Variants in CHMP4B observed in about 807,000 individuals in gnomAD.
The protein encoded by CHMP4B is SNF7 homolog associated with Alix 1.
CHMP4B carries 1 observed loss-of-function variant against 25.1 expected under a neutral mutation model. The observed-to-expected ratio is 0.04, with a 90% CI of 0.01 to 0.19. The LOEUF is 0.19. Ranked by LOEUF, CHMP4B falls within the 10% of genes least tolerant of loss-of-function variation. CHMP4B has a pLI of 1.00. For missense variants in CHMP4B, 151 were observed against 289.7 expected (o/e 0.52, Z 3.48); for synonymous variants, 101 against 115.6 (o/e 0.87, Z 0.81).
chr20:33,840,657 A>G (rs1029544290), intron 1 of CHMP4B, among the ~76,000 whole-genome samples: 1 of 152,200 alleles, frequency 6.6e-6, no homozygotes, highest in Non-Finnish European at 1.5e-5. Flanking sequence ...TGTGTTTTAC[A>G]GATGTTGGTG....
intron 1 of CHMP4B, among the ~76,000 whole-genome samples, chr20:33,820,676 G>T (rs754430023): frequency 2.6e-5 from 4 of 152,036 alleles, no homozygotes; most frequent in African/African-American, 9.7e-5. Flanking sequence ...ACTTCATTGT[G>T]GGGGGTGGGG....
At chr20:33,851,918 T>C (rs1410029597) in intron 3 of CHMP4B, among the ~76,000 whole-genome samples, 159 bp from the exon 4 acceptor site, 1 of 152,180 alleles carries the variant, frequency 6.6e-6, no homozygotes, top group Non-Finnish European at 1.5e-5. Context: ...GAAGCTGCTT[T>C]AGGATATTTG....
intron 1 of CHMP4B, among the ~76,000 whole-genome samples, chr20:33,823,070 G>A (rs1414058512): frequency 6.6e-6 from 1 of 152,056 alleles, no homozygotes; most frequent in Non-Finnish European, 1.5e-5. Context: ...TTATAGGCAT[G>A]AGCCACCGCG....
In CHMP4B at chr20:33,852,091, G is replaced by A. The variant is rs370101047; in HGVS notation, c.498G>A (p.Ala166=). ...GEEFDEDELM[A]ELEELEQEEL... is the part of the protein sequence containing the mutation. ...CCTTTTACTAGGATGAGCTCATGGC[G>A]GAATTAGAAGAACTAGAACAGGAGG... Residue 166 remains alanine, a synonymous_variant, in exon 4 of 5, where the codon GCG becomes GCA. Coordinates refer to ENST00000217402, the MANE Select transcript of CHMP4B (RefSeq NM_176812.5). 17 of 1,614,098 alleles carry A rather than the reference G, an allele frequency of 1.1e-5. No individual in the cohort carries two copies. The highest frequency in any genetic ancestry group is 3.3e-5 in the Admixed American group (2 of 60,012).
At chr20:33,849,600 T>TA (rs1979789522) in intron 2 of CHMP4B, among the ~76,000 whole-genome samples, 2 of 151,262 alleles carry the variant, frequency 1.3e-5, no homozygotes, top group South Asian at 2.1e-4. Context: ...TCTATCTCAA[T>TA]AAAAAAATAA....
At chr20:33,819,689 G>T (rs1269704452) in intron 1 of CHMP4B, among the ~76,000 whole-genome samples, 2 of 152,164 alleles carry the variant, frequency 1.3e-5, no homozygotes, top group Non-Finnish European at 2.9e-5. Flanking sequence ...AAAGGTGCTA[G>T]CTTTGGGGTG....
intron 1 of CHMP4B, among the ~76,000 whole-genome samples, chr20:33,836,343 T>G (rs1185072525): frequency 6.6e-6 from 1 of 151,918 alleles, no homozygotes; most frequent in Non-Finnish European, 1.5e-5. Context: ...ACAATTTGCC[T>G]TTTGGGTCTT....
At chr20:33,845,058 C>T (rs1979650925) in intron 1 of CHMP4B, among the ~76,000 whole-genome samples, 1 of 151,814 alleles carries the variant, frequency 6.6e-6, no homozygotes, top group Non-Finnish European at 1.5e-5. Flanking sequence ...CGCGCCCGGC[C>T]GAGTGTTTGC....
intron 1 of CHMP4B, among the ~76,000 whole-genome samples, chr20:33,834,182 C>A (rs7262719): frequency 6.6e-6 from 1 of 152,104 alleles, no homozygotes; most frequent in Non-Finnish European, 1.5e-5. Flanking sequence ...TTGAACTTCT[C>A]GAAGAGCCAG....
Position 33,820,022 on chromosome 20 carries a change from A to AC in CHMP4B, c.190+8366dup, listed in dbSNP as rs940348236. Among the ~76,000 whole-genome samples the AC allele has an allele frequency of 4.0e-5, 6 of 151,604 alleles. No individual in the cohort carries two copies. In the South Asian group the frequency reaches 6.2e-4, roughly 16 times the overall value. ...CTCTACTAAAAATACAAAAAAAAAA[A>AC]CCAAAATTAGCTGGGTGTGGCAGCT... On this transcript the variant is annotated intron_variant, in intron 1 of 4. Transcript: ENST00000217402.
At chr20:33,839,652 C>T (rs1279978858) in intron 1 of CHMP4B, among the ~76,000 whole-genome samples, 1 of 152,176 alleles carries the variant, frequency 6.6e-6, no homozygotes, top group African/African-American at 2.4e-5. Flanking sequence ...CAGACTGCTG[C>T]TAACTTGTGG....
intron 1 of CHMP4B, among the ~76,000 whole-genome samples, chr20:33,824,712 G>C (rs1203136048): frequency 2.0e-5 from 3 of 152,028 alleles, no homozygotes; most frequent in Non-Finnish European, 4.4e-5. Context: ...TTGTTGTGTG[G>C]GACTGTCTTG....
intron 1 of CHMP4B, among the ~76,000 whole-genome samples, chr20:33,819,213 G>A (rs17090924): frequency 0.01 from 1,546 of 152,278 alleles, 26 homozygotes; most frequent in African/African-American, 0.035. Context: ...TGCCCGGCCA[G>A]TGTTGCTCTT....
chr20:33,812,925 T>A (rs564158973), intron 1 of CHMP4B, among the ~76,000 whole-genome samples: 1 of 152,022 alleles, frequency 6.6e-6, no homozygotes, highest in Non-Finnish European at 1.5e-5. Context: ...TTCATAGGGG[T>A]GAACAAAACA....
intron 1 of CHMP4B, among the ~76,000 whole-genome samples, chr20:33,820,795 A>T (rs1377596649): frequency 7.9e-5 from 12 of 152,156 alleles, no homozygotes; most frequent in Non-Finnish European, 2.9e-5. Context: ...TAATAGGAAG[A>T]GTTTTTTGCG....
intron 1 of CHMP4B, among the ~76,000 whole-genome samples, chr20:33,815,407 G>C (rs1432910066): frequency 6.6e-6 from 1 of 152,194 alleles, no homozygotes; most frequent in Admixed American, 6.5e-5. Context: ...AAAGAGACTT[G>C]GTGATTTGTT....
intron 1 of CHMP4B, among the ~76,000 whole-genome samples, chr20:33,820,119 A>G (rs1267565425): frequency 6.6e-6 from 1 of 152,052 alleles, no homozygotes; most frequent in African/African-American, 2.4e-5. Context: ...CGGAGCTTGC[A>G]GTGAGCCAAG....
chr20:33,831,605 C>T (rs947741818), intron 1 of CHMP4B, among the ~76,000 whole-genome samples: 2 of 152,060 alleles, frequency 1.3e-5, no homozygotes, highest in South Asian at 4.1e-4. Context: ...AACTCGTGGC[C>T]TCAAGTGATC....
chr20:33,826,884 GGCTA>G (rs1429445110), intron 1 of CHMP4B, among the ~76,000 whole-genome samples: 1 of 152,102 alleles, frequency 6.6e-6, no homozygotes, highest in African/African-American at 2.4e-5. Context: ...ACTCCCAGCT[GGCTA>G]GCTGGCTAAC....
Sources: gnomAD v4.1 joint callset for allele counts (sites outside exome capture counted in the v4.1 genomes callset) on GRCh38, gnomAD v4.1.1 for gene constraint, MANE v1.5 for transcripts, NCBI Gene and HGNC (gene_info 2026-07-23, HGNC 2026-07-21) for gene names.